TTN: variants seen among roughly 807,000 people sequenced by gnomAD.
TTN encodes the protein titin.
A neutral mutation model predicts 3,223.0 loss-of-function variants in TTN; 1,525 were observed. That is an observed-to-expected ratio of 0.47 (90% CI 0.45 to 0.49). The LOEUF is 0.49. TTN is among the 20% of genes least tolerant of loss of function. TTN has a pLI of 0.00. For missense variants in TTN, 40,786 were observed against 43,424.0 expected, an observed-to-expected ratio of 0.94 and a Z score of 5.40; for synonymous variants, 14,094 against 15,161.0, an observed-to-expected ratio of 0.93 and a Z score of 5.17.
chr2:178,790,839 G>C lies in TTN; in HGVS notation c.1669C>G (p.Gln557Glu). The C allele has an allele frequency of 6.2e-7, 1 of 1,614,010 alleles. No homozygotes were observed. The highest frequency in any genetic ancestry group is 8.5e-7 in the Non-Finnish European group (1 of 1,179,956). ...QKQVTQEAIR[Q>E]ETEITAASMV... Reference sequence around the variant, plus strand: ...GATGCAGCAGTTATCTCAGTTTCCTGTCTTATCTGATGTTTAGAGTAAAAT... The same window carrying C: ...GATGCAGCAGTTATCTCAGTTTCCTCTCTTATCTGATGTTTAGAGTAAAAT... The change falls in exon 11 of 363, where the codon CAG (glutamine) becomes GAG (glutamate). Residue 557 changes from glutamine (Q) to glutamate (E), a missense_variant. Transcript: ENST00000589042.
At chr2:178,558,843 C>A in intron 326 of TTN, 3 of 537,290 alleles carry the variant, frequency 5.6e-6, no homozygotes, top group African/African-American at 2.0e-5. Context: ...GCATTCAAAT[C>A]CAAATTAAGG....
Position 178,560,308 on chromosome 2 carries a change from T to G in TTN, c.85824A>C (p.Leu28608=), listed in dbSNP as rs777465713. The G allele has an allele frequency of 2.5e-6, 4 of 1,613,808 alleles. 1 individual carries two copies. In the South Asian group the frequency reaches 4.4e-5, roughly 18 times the overall value. The stretch of plus-strand genomic sequence containing the variant: ...CCCGAAGTCCTGTTGATTTCACTCT[T>G]AGATCATAAACTGGTTTTTTGTTTA... The part of the protein sequence containing the change: ...VRVNKKPVYD[L]RVKSTGLREG... The change falls in exon 326 of 363, where the codon CTA becomes CTC. Residue 28608 remains leucine (L), a synonymous_variant. Transcript: ENST00000589042.
In TTN at chr2:178,751,385, T is replaced by C. The variant is rs774395668; in HGVS notation, c.11311+1739A>G. 12 of 1,607,570 alleles carry C rather than the reference T, an allele frequency of 7.5e-6. No homozygotes were observed. The South Asian group carries it at 7.8e-5, about 10-fold the overall frequency. ...TTTACTTTCTAAATATTCTTCATCA[T>C]ACATGTAATCTGTTTTCTTGGCAGA... On this transcript the variant is annotated intron_variant, in intron 47 of 362. Coordinates refer to ENST00000589042, the MANE Select transcript of TTN (RefSeq NM_001267550.2).
chr2:178,754,490 A>G (rs2086414713), intron 46 of TTN, among the ~76,000 whole-genome samples: 1 of 152,192 alleles, frequency 6.6e-6, no homozygotes, highest in African/African-American at 2.4e-5. Context: ...CCGAGTTCAA[A>G]TCAATTCTGG....
chr2:178,623,180 T>C (rs1299257914), intron 242 of TTN, among the ~76,000 whole-genome samples: 2 of 151,882 alleles, frequency 1.3e-5, no homozygotes, highest in African/African-American at 4.8e-5. Context: ...TTTGAGAAAT[T>C]AGCAGAATTC....
At position 178,544,203 on chromosome 2, in the gene TTN, A is replaced by C. The variant is rs375368824; in HGVS notation, c.96026T>G (p.Ile32009Arg). 39 of 1,612,550 alleles carry C rather than the reference A, an allele frequency of 2.4e-5. No homozygotes were observed. In the East Asian group the frequency reaches 8.5e-4, roughly 35 times the overall value. The change falls in exon 345 of 363, where the codon ATA (isoleucine) becomes AGA (arginine). Residue 32009 changes from isoleucine (I) to arginine (R), a missense_variant and splice_region_variant. Physicochemically the swap from Ile to Arg is moderately conservative, Grantham distance 97. Transcript: ENST00000589042. ...SIAEIEPVER[I>R]EIPDLELADD... ...CTAAAAGCTTCTGTGATAAATACCT[A>C]TTCTTTCCACGGGCTCAATTTCAGC...
At position 178,800,565 on chromosome 2, in the gene TTN, T is replaced by C. The variant is rs1561513682; in HGVS notation, c.413A>G (p.Tyr138Cys). Reference sequence around the variant, plus strand: ...GCTCTGGATTTCGGCTCCATCCCGGTAGAACTTCACCACAGGTGTAGGGAT... The same window carrying C: ...GCTCTGGATTTCGGCTCCATCCCGGCAGAACTTCACCACAGGTGTAGGGAT... ...TGIPTPVVKF[Y>C]RDGAEIQSSL... The change falls in exon 4 of 363, where the codon TAC (tyrosine) becomes TGC (cysteine). Residue 138 changes from tyrosine (Y) to cysteine (C), a missense_variant. Physicochemically the swap from Tyr to Cys is radical, Grantham distance 194. Coordinates refer to ENST00000589042, the MANE Select transcript of TTN (RefSeq NM_001267550.2). 1 of 1,614,138 alleles carries C rather than the reference T, an allele frequency of 6.2e-7. No homozygotes were observed. The highest frequency in any genetic ancestry group is 2.2e-5 in the East Asian group (1 of 44,884).
rs1304374906 is a variant in TTN at position 178,674,130 on chromosome 2, A to C, written c.34708+184T>G. ...AATCTCTCATTCTTAGTTGTATTGC[A>C]GATGTTGTAGAAAAATTTAGGGTAA... On this transcript the variant is annotated intron_variant, in intron 151 of 362. Transcript: ENST00000589042. 3.3e-5 allele frequency among the ~76,000 whole-genome samples: 5 copies of C among 151,906 alleles called. No homozygotes were observed. The East Asian group carries it at 7.7e-4, about 23-fold the overall frequency.
Position 178,557,629 on chromosome 2 carries a change from G to A in TTN, c.87706+19C>T. ...ATGGTAAAAGAAAACCTGGATCTTT[G>A]AAAAGTTGGACAACTTACTGTATGG... On this transcript the variant is annotated intron_variant, in intron 328 of 362. Coordinates refer to ENST00000589042, the MANE Select transcript of TTN (RefSeq NM_001267550.2). The A allele has an allele frequency of 6.2e-7, 1 of 1,612,764 alleles. No individual in the cohort carries two copies. Among genetic ancestry groups the A allele is most frequent in the South Asian group, 1.1e-5 (1 of 90,802 alleles).
chr2:178,758,647 G>A, intron 44 of TTN: 1 of 318,384 alleles, frequency 3.1e-6, no homozygotes, highest in Non-Finnish European at 6.0e-6. Context: ...TTTTATCTTA[G>A]CCAATTGAGA....
At position 178,612,565 on chromosome 2, in the gene TTN, G is replaced by C. The variant is rs1362265469; in HGVS notation, c.49960C>G (p.Pro16654Ala). 1 of 1,606,612 alleles carries C rather than the reference G, an allele frequency of 6.2e-7. No individual in the cohort carries two copies. Among genetic ancestry groups the C allele is most frequent in the Admixed American group, 1.7e-5 (1 of 58,878 alleles). ...TTAATAACTTCAAGCCAGCGTGGTGGTGATGGAGGATCTGAAAAAGAAGGA... is the reference window on the plus strand; with the variant it reads ...TTAATAACTTCAAGCCAGCGTGGTGCTGATGGAGGATCTGAAAAAGAAGGA... ...LCREKLYPPSPPRWLEVINIT... is the reference protein window; with the variant it reads ...LCREKLYPPSAPRWLEVINIT... Residue 16654 changes from proline to alanine, a missense_variant, in exon 266 of 363, where the codon CCA (proline) becomes GCA (alanine). By Grantham distance (27) the Pro-to-Ala change is conservative (BLOSUM62 -1). Transcript: ENST00000589042.
At position 178,636,936 on chromosome 2, in the gene TTN, C is replaced by A. The variant is rs2060509116; in HGVS notation, c.40928-137G>T. On this transcript the variant is annotated intron_variant, in intron 224 of 362. Coordinates refer to ENST00000589042, the MANE Select transcript of TTN (RefSeq NM_001267550.2). This position sits in a 1 kb window ranked among gnomAD's most constrained non-coding sequence, Gnocchi z 4.3. ...AACTAAAGACCAGGCAATTGAAAGG[C>A]CAATTGAGTTTATACTGCCTTGTTT... 1 of 950,378 alleles carries A rather than the reference C, an allele frequency of 1.1e-6. No individual in the cohort carries two copies. 58.9% of individuals were successfully genotyped at this position (950,378 alleles called of 1,614,324 possible).
rs12991669 is a variant in TTN, at chr2:178,705,231, A to C, written c.29547T>G (p.Gly9849=). The C allele has an allele frequency of 6.2e-7, 1 of 1,613,696 alleles. No individual in the cohort carries two copies. Among genetic ancestry groups the C allele is most frequent in the Non-Finnish European group, 8.5e-7 (1 of 1,179,736 alleles). Residue 9849 remains glycine (G), a synonymous_variant, in exon 103 of 363, where the codon GGT becomes GGG. Coordinates refer to ENST00000589042, the MANE Select transcript of TTN (RefSeq NM_001267550.2). ...ARMYGITDFR[G]LLQAFELLKQ... is the part of the protein sequence containing the mutation. ...TGAGCAGTTCAAATGCTTGAAGAAGACCTCGGAAGTCAGTGATTCCATACA... is the reference window on the plus strand; with the variant it reads ...TGAGCAGTTCAAATGCTTGAAGAAGCCCTCGGAAGTCAGTGATTCCATACA...
Position 178,591,581 on chromosome 2 carries a change from T to C in TTN, c.60220+18A>G. 4 of 1,608,232 alleles carry C rather than the reference T, an allele frequency of 2.5e-6. No individual in the cohort carries two copies. The highest frequency in any genetic ancestry group is 1.3e-5 in the African/African-American group (1 of 74,588). On this transcript the variant is annotated intron_variant, in intron 303 of 362. Coordinates refer to ENST00000589042, the MANE Select transcript of TTN (RefSeq NM_001267550.2). Reference sequence around the variant, plus strand: ...ATTTTAAAAAGAAATAAGGTAATACTGCTAGTCCAAAAATTACCTAGTTTT... The same window carrying C: ...ATTTTAAAAAGAAATAAGGTAATACCGCTAGTCCAAAAATTACCTAGTTTT...
Position 178,688,753 on chromosome 2 carries a change from T to C in TTN, c.32121A>G (p.Val10707=). 1 of 1,613,008 alleles carries C rather than the reference T, an allele frequency of 6.2e-7. No homozygotes were observed. Among genetic ancestry groups the C allele is most frequent in the Non-Finnish European group, 8.5e-7 (1 of 1,179,074 alleles). Residue 10707 remains valine, a synonymous_variant, in exon 126 of 363, where the codon GTA becomes GTG. Transcript: ENST00000589042. ...PRAEVSKKTV[V]EEKRFVAEEK... ...CTTCAGCAACAAATCTCTTTTCTTC[T>C]ACAACAGTTTTCTTAGAGACTTCAG... is the stretch of plus-strand genomic sequence containing the variant.
In TTN at chr2:178,677,984, G is replaced by A. The variant is rs547837429; in HGVS notation, c.33995-67C>T. ...GTAAAATATTCACAACAATGAAGAA[G>A]CTTATGAAAGGCAAATATTCTGTGA... is the stretch of plus-strand genomic sequence containing the variant. On this transcript the variant is annotated intron_variant, in intron 145 of 362. Coordinates refer to ENST00000589042, the MANE Select transcript of TTN (RefSeq NM_001267550.2). 33 of 1,564,410 alleles carry A rather than the reference G, an allele frequency of 2.1e-5. No homozygotes were observed. In the Middle Eastern group the frequency reaches 6.9e-4, roughly 33 times the overall value.
chr2:178,570,056 A>T lies in TTN; in HGVS notation c.76076T>A (p.Ile25359Asn). 1 of 1,613,422 alleles carries T rather than the reference A, an allele frequency of 6.2e-7. No homozygotes were observed. Among genetic ancestry groups the T allele is most frequent in the Non-Finnish European group, 8.5e-7 (1 of 1,179,584 alleles). ...IRWTRCHKRL[I>N]GELRLRVTGL... The stretch of plus-strand genomic sequence containing the variant: ...AGTTACTCTCAGGCGCAACTCTCCA[A>T]TCAGACGCTTATGGCATCTTGTCCA... The change falls in exon 326 of 363, where the codon ATT becomes AAT. Residue 25359 changes from isoleucine to asparagine, a missense_variant. By Grantham distance (149) the Ile-to-Asn change is moderately radical. Coordinates refer to ENST00000589042, the MANE Select transcript of TTN (RefSeq NM_001267550.2).
Position 178,562,207 on chromosome 2 carries a change from C to T in TTN, c.83925G>A (p.Lys27975=), listed in dbSNP as rs1031543708. Residue 27975 remains lysine, a synonymous_variant, in exon 326 of 363, where the codon AAG becomes AAA. Transcript: ENST00000589042. Reference sequence around the variant, plus strand: ...CATCAATCTTAAGTTGTTCTCTAGCCTTTACATTGAAAGTATGGAAAGGAA... The same window carrying T: ...CATCAATCTTAAGTTGTTCTCTAGCTTTTACATTGAAAGTATGGAAAGGAA... ...VELPFHTFNV[K]AREQLKIDVP... 17 of 1,612,532 alleles carry T rather than the reference C, an allele frequency of 1.1e-5. No homozygotes were observed. In the Admixed American group the frequency reaches 2.2e-4, roughly 21 times the overall value.
Position 178,593,581 on chromosome 2 carries a change from G to C in TTN, c.58719C>G (p.Ala19573=). 1 of 1,611,804 alleles carries C rather than the reference G, an allele frequency of 6.2e-7. No individual in the cohort carries two copies. The highest frequency in any genetic ancestry group is 1.7e-5 in the Admixed American group (1 of 59,716). ...SDPLVSDSMK[A]KDRFRVPDAP... Reference sequence around the variant, plus strand: ...CATAATGCATACTGAAACGATCTTTGGCTTTCATTGAATCAGACACCAGAG... The same window carrying C: ...CATAATGCATACTGAAACGATCTTTCGCTTTCATTGAATCAGACACCAGAG... Residue 19573 remains alanine, a synonymous_variant, in exon 298 of 363, where the codon GCC becomes GCG. Coordinates refer to ENST00000589042, the MANE Select transcript of TTN (RefSeq NM_001267550.2).
Sources: allele counts gnomAD v4.1 joint callset (sites outside exome capture counted in the v4.1 genomes callset), GRCh38; gene constraint gnomAD v4.1.1; non-coding constraint Gnocchi (gnomAD v3.1); transcripts MANE v1.5; gene names NCBI Gene and HGNC (gene_info 2026-07-23, HGNC 2026-07-21).